RASGRF2: variants seen among roughly 807,000 people sequenced by gnomAD.
RASGRF2 encodes ras-specific guanine nucleotide-releasing factor 2.
A neutral mutation model predicts 151.0 loss-of-function variants in RASGRF2; 76 were observed. The observed-to-expected ratio is 0.50, with a 90% CI of 0.42 to 0.61. The LOEUF is 0.61. RASGRF2 is among the 20% of genes least tolerant of loss of function. The probability of loss-of-function intolerance (pLI) is 0.00; values close to 1 mark genes in which losing one functional copy is unlikely to be tolerated. For missense variants in RASGRF2, 1,148 were observed against 1,564.6 expected (o/e 0.73, Z 4.49); for synonymous variants, 504 against 566.5 (o/e 0.89, Z 1.57).
At chr5:81,169,366 A>G (rs959204280) in intron 17 of RASGRF2, among the ~76,000 whole-genome samples, 1 of 152,216 alleles carries the variant, frequency 6.6e-6, no homozygotes, top group Non-Finnish European at 1.5e-5. Context: ...TCTGGAGGCC[A>G]GAAGTCCAAA....
At chr5:81,060,298 C>G (rs1751388045) in intron 2 of RASGRF2, among the ~76,000 whole-genome samples, 1 of 152,156 alleles carries the variant, frequency 6.6e-6, no homozygotes, top group South Asian at 2.1e-4. Context: ...CAGGCTAGGC[C>G]CACTCCCACT....
chr5:81,169,213 C>T (rs1388313693), intron 17 of RASGRF2, among the ~76,000 whole-genome samples: 5 of 152,204 alleles, frequency 3.3e-5, no homozygotes, highest in Non-Finnish European at 5.9e-5. Context: ...GTATCATCAT[C>T]TACCCAGCTG....
chr5:81,115,446 C>T (rs1753124656), intron 15 of RASGRF2, among the ~76,000 whole-genome samples: 2 of 152,126 alleles, frequency 1.3e-5, no homozygotes, highest in Admixed American at 1.3e-4. Context: ...AGCGCCAGTG[C>T]TTGGGAAACC....
At chr5:81,127,279 T>C in intron 17 of RASGRF2, 116 bp downstream of exon 17, 1 of 1,109,528 alleles carries the variant, frequency 9.0e-7, no homozygotes, top group Non-Finnish European at 1.3e-6. Flanking sequence ...ATCCCAGCAT[T>C]TTGGGAAGCC....
chr5:81,155,760 A>C (rs1246060664), intron 17 of RASGRF2, among the ~76,000 whole-genome samples: 1 of 152,214 alleles, frequency 6.6e-6, no homozygotes. Context: ...AGAGGGCTTC[A>C]GAGTCCTCTC....
intron 17 of RASGRF2, among the ~76,000 whole-genome samples, chr5:81,134,484 G>GGGC (rs990684712): frequency 3.3e-5 from 5 of 152,044 alleles, no homozygotes; most frequent in Admixed American, 1.3e-4. Context: ...TGTGATCTCT[G>GGGC]GGCCTGTAGC....
intron 1 of RASGRF2, among the ~76,000 whole-genome samples, chr5:81,030,611 G>T (rs1307954338): frequency 1.3e-5 from 2 of 152,172 alleles, no homozygotes; most frequent in Non-Finnish European, 2.9e-5. Context: ...GAGAGATTTT[G>T]TCACCACCAG....
chr5:81,088,496 T>C (rs1210571428), intron 9 of RASGRF2: 1 of 152,218 alleles, frequency 6.6e-6, no homozygotes, highest in African/African-American at 2.4e-5. Flanking sequence ...CCTTACCTTG[T>C]CTAGTATGAT....
At chr5:81,201,176 A>T (rs1755385932) in intron 18 of RASGRF2, among the ~76,000 whole-genome samples, 154 bp from the exon 19 acceptor site, 1 of 152,092 alleles carries the variant, frequency 6.6e-6, no homozygotes, top group Non-Finnish European at 1.5e-5. Context: ...AACCAATTAA[A>T]TCGGGACCCT....
chr5:81,035,445 C>G (rs1561569126), intron 1 of RASGRF2, among the ~76,000 whole-genome samples: 2 of 151,962 alleles, frequency 1.3e-5, no homozygotes. Context: ...GGGAGCATTA[C>G]ACACCAGGGC....
rs147837260 is a variant in RASGRF2 at position 81,062,992 on chromosome 5, C to G, written c.396-5040C>G. The stretch of plus-strand genomic sequence containing the variant: ...GGCTCAAAATATTTTCTCCACAATT[C>G]TTTGTTGCCACCTAGAATTCCAAGT... On this transcript the variant is annotated intron_variant, in intron 2 of 26. Coordinates refer to ENST00000265080, the MANE Select transcript of RASGRF2 (RefSeq NM_006909.3). Among the ~76,000 whole-genome samples the G allele has an allele frequency of 2.5e-3, 386 of 151,568 alleles. 6 individuals are homozygous for G. Among genetic ancestry groups the G allele is most frequent in the African/African-American group, 8.3e-3 (344 of 41,368 alleles).
intron 14 of RASGRF2, 129 bp from the exon 15 acceptor site, chr5:81,113,409 A>G: frequency 9.1e-7 from 1 of 1,102,024 alleles, no homozygotes; most frequent in Non-Finnish European, 1.3e-6. Context: ...ATTTAGATTA[A>G]CGGAAGTCCA....
chr5:81,150,822 C>T (rs1405027636), intron 17 of RASGRF2, among the ~76,000 whole-genome samples: 3 of 151,934 alleles, frequency 2.0e-5, no homozygotes, highest in African/African-American at 7.3e-5. Context: ...ATCAAGAGAC[C>T]CAGAATGAAT....
intron 15 of RASGRF2, among the ~76,000 whole-genome samples, chr5:81,116,053 G>A (rs912174427): frequency 4.3e-5 from 6 of 139,564 alleles, no homozygotes; most frequent in Non-Finnish European, 7.7e-5. Flanking sequence ...ATCACTAGTG[G>A]TGAATGCCAT....
chr5:81,099,368 C>G (rs1423733001), intron 12 of RASGRF2, among the ~76,000 whole-genome samples: 8 of 152,102 alleles, frequency 5.3e-5, no homozygotes, highest in Non-Finnish European at 1.0e-4. Context: ...ATAGCTTTTT[C>G]TGAATAATTG....
intron 1 of RASGRF2, among the ~76,000 whole-genome samples, chr5:81,020,817 C>T (rs1749799772): frequency 6.6e-6 from 1 of 152,180 alleles, no homozygotes. Flanking sequence ...AGGGAGTTGA[C>T]ATTTGTTAAG....
intron 15 of RASGRF2, among the ~76,000 whole-genome samples, chr5:81,123,038 C>T (rs1437150020): frequency 1.3e-5 from 2 of 152,184 alleles, no homozygotes; most frequent in Non-Finnish European, 2.9e-5. Context: ...ATACCATAGC[C>T]ACTAGCCACA....
At chr5:81,206,358 T>C (rs2112722694) in intron 19 of RASGRF2, among the ~76,000 whole-genome samples, 1 of 152,254 alleles carries the variant, frequency 6.6e-6, no homozygotes, top group South Asian at 2.1e-4. Context: ...TCTTGCCACA[T>C]AGGAACCCCC....
intron 1 of RASGRF2, among the ~76,000 whole-genome samples, chr5:81,042,430 T>C (rs1750705707): frequency 2.0e-5 from 3 of 152,228 alleles, no homozygotes; most frequent in African/African-American, 7.2e-5. Flanking sequence ...TGCATAATTA[T>C]AGGCATATTG....
Sources: gnomAD v4.1 joint callset for allele counts (sites outside exome capture counted in the v4.1 genomes callset) on GRCh38, gnomAD v4.1.1 for gene constraint, MANE v1.5 for transcripts, NCBI Gene and HGNC (gene_info 2026-07-23, HGNC 2026-07-21) for gene names.